The following DDX10 variants were observed in gnomAD, a reference collection of about 807,000 sequenced individuals.
DDX10 encodes the protein probable ATP-dependent RNA helicase DDX10.
A neutral mutation model predicts 104.3 loss-of-function variants in DDX10; 74 were observed. That is an observed-to-expected ratio of 0.71 (90% CI 0.59 to 0.86). The LOEUF (loss-of-function observed/expected upper bound fraction) is 0.86, where lower values mean the gene tolerates loss of function less well. Ranked by LOEUF, DDX10 falls within the 40% of genes least tolerant of loss-of-function variation. The probability of loss-of-function intolerance (pLI) is 0.00; values close to 1 mark genes in which losing one functional copy is unlikely to be tolerated. For missense variants in DDX10, 952 were observed against 1,040.0 expected, an observed-to-expected ratio of 0.92 and a Z score of 1.16; for synonymous variants, 351 against 353.4, an observed-to-expected ratio of 0.99 and a Z score of 0.08.
At chr11:108,896,778 T>A (rs1435021124) in intron 16 of DDX10, among the ~76,000 whole-genome samples, 2 of 152,140 alleles carry the variant, frequency 1.3e-5, no homozygotes, top group Non-Finnish European at 2.9e-5. Context: ...TTGTACTGAA[T>A]GCTTGGTACA....
chr11:108,782,027 A>C (rs1156783308), intron 13 of DDX10, among the ~76,000 whole-genome samples: 1 of 152,164 alleles, frequency 6.6e-6, no homozygotes, highest in Non-Finnish European at 1.5e-5. Flanking sequence ...GCTACTTGCA[A>C]ATTCAGCTAA....
At chr11:108,857,524 T>C (rs1263904323) in intron 16 of DDX10, among the ~76,000 whole-genome samples, 1 of 152,194 alleles carries the variant, frequency 6.6e-6, no homozygotes, top group African/African-American at 2.4e-5. Flanking sequence ...CTCTCTCTCT[T>C]TGGCTCTGGC....
At chr11:108,908,494 A>G (rs955950245) in intron 16 of DDX10, among the ~76,000 whole-genome samples, 1 of 152,198 alleles carries the variant, frequency 6.6e-6, no homozygotes, top group African/African-American at 2.4e-5. Context: ...ATTTCAATTC[A>G]GTTCTTAAAG....
intron 13 of DDX10, among the ~76,000 whole-genome samples, chr11:108,732,584 T>C (rs2094313606): frequency 6.6e-6 from 1 of 152,162 alleles, no homozygotes; most frequent in Non-Finnish European, 1.5e-5. Flanking sequence ...TCACAATCCT[T>C]TTCTGTTTGA....
At chr11:108,768,143 T>G (rs911970656) in intron 13 of DDX10, 1 of 152,222 alleles carries the variant, frequency 6.6e-6, no homozygotes, top group African/African-American at 2.4e-5. Flanking sequence ...AGACTTCCAG[T>G]CAACAGTAGG....
Position 108,722,816 on chromosome 11 carries a change from G to A in DDX10, c.1500-181G>A, listed in dbSNP as rs114685574. Among the ~76,000 whole-genome samples, 429 of 152,258 alleles carry A rather than the reference G, an allele frequency of 2.8e-3. 2 individuals carry two copies. The highest frequency in any genetic ancestry group is 9.0e-3 in the African/African-American group (373 of 41,538). ...GTGTCTAAAATGTTTTCTGACAGGTGTTGAGTGTATTTTGCCTTACTTTTT... is the reference window on the plus strand; with the variant it reads ...GTGTCTAAAATGTTTTCTGACAGGTATTGAGTGTATTTTGCCTTACTTTTT... On this transcript the variant is annotated intron_variant, in intron 12 of 17. Transcript: ENST00000322536.
intron 16 of DDX10, among the ~76,000 whole-genome samples, chr11:108,857,717 C>T (rs937192367): frequency 6.6e-6 from 1 of 152,194 alleles, no homozygotes; most frequent in African/African-American, 2.4e-5. Context: ...CAATAACATA[C>T]AGCTAGGAAA....
In DDX10 at chr11:108,678,333, G is replaced by A; in HGVS notation, c.556G>A (p.Glu186Lys). The A allele has an allele frequency of 1.9e-6, 3 of 1,610,634 alleles. No homozygotes were observed. Among genetic ancestry groups the A allele is most frequent in the Non-Finnish European group, 2.5e-6 (3 of 1,178,832 alleles). ...TTTTCAGGATCTAAAACACGAAGCT[G>A]AGAGGATCAACAACATAAATATACT... ...IGGKDLKHEA[E>K]RINNINILVC... The change falls in exon 5 of 18, where the codon GAG (glutamate) becomes AAG (lysine). Residue 186 changes from glutamate to lysine, a missense_variant. Coordinates refer to ENST00000322536, the MANE Select transcript of DDX10 (RefSeq NM_004398.4).
chr11:108,842,939 TTTTCTCCCA>T (rs1862661245), intron 15 of DDX10, among the ~76,000 whole-genome samples: 1 of 152,228 alleles, frequency 6.6e-6, no homozygotes, highest in Non-Finnish European at 1.5e-5. Context: ...TTGCCATCTC[TTTTCTCCCA>T]TGTGGAAGTT....
intron 16 of DDX10, among the ~76,000 whole-genome samples, chr11:108,901,574 C>T (rs577492355): frequency 5.3e-5 from 8 of 152,228 alleles, no homozygotes; most frequent in South Asian, 2.1e-4. Flanking sequence ...TGTTGGAATG[C>T]GTCTATAAAT....
intron 16 of DDX10, among the ~76,000 whole-genome samples, chr11:108,878,755 T>A (rs532516883): frequency 6.6e-6 from 1 of 151,414 alleles, no homozygotes; most frequent in East Asian, 2.0e-4. Flanking sequence ...CATATGTTAG[T>A]GCAAAGAACT....
intron 13 of DDX10, among the ~76,000 whole-genome samples, chr11:108,782,309 A>G (rs765580091): frequency 2.6e-5 from 4 of 152,174 alleles, no homozygotes; most frequent in Admixed American, 6.6e-5. Context: ...CACAGCCTCA[A>G]TTTCTTCTAT....
intron 13 of DDX10, among the ~76,000 whole-genome samples, chr11:108,837,132 T>C (rs1862566126): frequency 6.6e-6 from 1 of 152,240 alleles, no homozygotes; most frequent in Non-Finnish European, 1.5e-5. Context: ...CTTTTTCATA[T>C]GTTTTACATT....
chr11:108,775,001 G>C (rs1158381226), intron 13 of DDX10, among the ~76,000 whole-genome samples: 2 of 152,166 alleles, frequency 1.3e-5, no homozygotes, highest in Non-Finnish European at 2.9e-5. Context: ...TTACCAGTCT[G>C]TGCACTTGTT....
intron 16 of DDX10, among the ~76,000 whole-genome samples, chr11:108,893,083 A>G (rs146282628): frequency 3.3e-5 from 5 of 152,308 alleles, no homozygotes; most frequent in South Asian, 2.1e-4. Flanking sequence ...ATTTTACTCT[A>G]TAGAAGTCTT....
intron 16 of DDX10, among the ~76,000 whole-genome samples, chr11:108,888,570 A>C (rs1863332394): frequency 6.6e-6 from 1 of 152,178 alleles, no homozygotes; most frequent in South Asian, 2.1e-4. Flanking sequence ...TTCTCTGCGC[A>C]CACAGACTCC....
chr11:108,838,119 G>C (rs1862582273), intron 13 of DDX10, among the ~76,000 whole-genome samples: 2 of 150,624 alleles, frequency 1.3e-5, no homozygotes, highest in South Asian at 2.1e-4. Flanking sequence ...CTGGAAGATA[G>C]CTTTATTTAT....
At chr11:108,922,832 C>A (rs1863852452) in intron 17 of DDX10, among the ~76,000 whole-genome samples, 1 of 152,032 alleles carries the variant, frequency 6.6e-6, no homozygotes. Flanking sequence ...TTAAGAATAC[C>A]CCCATGAATA....
At chr11:108,790,221 A>G (rs1050733867) in intron 13 of DDX10, among the ~76,000 whole-genome samples, 3 of 152,186 alleles carry the variant, frequency 2.0e-5, no homozygotes, top group African/African-American at 7.2e-5. Flanking sequence ...TTATTCTTTG[A>G]CTTCATGTAT....
Sources: allele counts gnomAD v4.1 joint callset (sites outside exome capture counted in the v4.1 genomes callset), GRCh38; gene constraint gnomAD v4.1.1; transcripts MANE v1.5; gene names NCBI Gene and HGNC (gene_info 2026-07-23, HGNC 2026-07-21).